The following SMARCA2 variants were observed in gnomAD, a reference collection of about 807,000 sequenced individuals.
SMARCA2 encodes SWI/SNF-related matrix-associated actin-dependent regulator of chromatin subfamily A member 2.
SMARCA2 carries 61 observed loss-of-function variants against 199.8 expected under a neutral mutation model. The ratio of observed to expected loss-of-function variants is 0.31; its 90% CI spans 0.25 to 0.38. SMARCA2 has a LOEUF of 0.38. SMARCA2 is among the 10% of genes least tolerant of loss of function. The pLI, the probability that SMARCA2 is intolerant of heterozygous loss-of-function variation, is 1.00. For synonymous variants in SMARCA2, 935 were observed against 732.0 expected (o/e 1.28, Z -4.48); for missense variants, 1,344 against 2,012.2 (o/e 0.67, Z 6.35).
intron 23 of SMARCA2, among the ~76,000 whole-genome samples, chr9:2,109,097 C>G (rs761316613): frequency 2.0e-5 from 3 of 152,150 alleles, no homozygotes; most frequent in Non-Finnish European, 4.4e-5. Context: ...ACTTGGCCCT[C>G]ATAGTAACTT....
intron 27 of SMARCA2, among the ~76,000 whole-genome samples, chr9:2,124,695 G>A (rs1030742430): frequency 6.6e-6 from 1 of 152,214 alleles, no homozygotes; most frequent in Non-Finnish European, 1.5e-5. Context: ...TTTGGAAAAT[G>A]GTGATTTCTC....
At chr9:2,075,858 A>G (rs1821302274) in intron 12 of SMARCA2, among the ~76,000 whole-genome samples, 1 of 152,146 alleles carries the variant, frequency 6.6e-6, no homozygotes. Context: ...GGAGGATCCT[A>G]AGAGCTCTAC....
At position 2,170,459 on chromosome 9, in the gene SMARCA2, A is replaced by G; in HGVS notation, c.4240A>G (p.Ile1414Val). 4 of 1,614,118 alleles carry G rather than the reference A, an allele frequency of 2.5e-6. No homozygotes were observed. The highest frequency in any genetic ancestry group is 2.2e-5 in the South Asian group (2 of 91,086). ...EKVPSNSQLE[I>V]EGNSSGRQLS... ...GGTGCCCAGTAATTCTCAGTTGGAA[A>G]TAGAAGGAAACAGGTCAGGATCTGT... The change falls in exon 29 of 34, where the codon ATA becomes GTA. Residue 1414 changes from isoleucine to valine, a missense_variant. Ile to Val is a conservative substitution (Grantham distance 29). Around this residue, in one of 18 missense-constraint regions of SMARCA2, gnomAD observed 151 missense variants for 154.0 expected, o/e 0.98. Transcript: ENST00000349721. The surrounding 1 kb of genome is among the most constrained non-coding windows in gnomAD (Gnocchi z 4.7).
At chr9:2,094,989 G>A (rs1271968540) in intron 19 of SMARCA2, among the ~76,000 whole-genome samples, 2 of 151,910 alleles carry the variant, frequency 1.3e-5, no homozygotes, top group Non-Finnish European at 2.9e-5. Flanking sequence ...TCTCACAGAC[G>A]TACCTTAAAT....
chr9:2,131,804 G>C (rs1164349914), intron 27 of SMARCA2, among the ~76,000 whole-genome samples: 1 of 152,110 alleles, frequency 6.6e-6, no homozygotes, highest in Admixed American at 6.5e-5. Flanking sequence ...GCTGGGCGTG[G>C]TGGCGGGTGC....
Position 2,096,677 on chromosome 9 carries a change from T to C in SMARCA2, c.2904T>C (p.Cys968=). Residue 968 remains cysteine (C), a synonymous_variant, in exon 20 of 34, where the codon TGT becomes TGC. Coordinates refer to ENST00000349721, the MANE Select transcript of SMARCA2 (RefSeq NM_003070.5). The part of the protein sequence containing the change: ...LPEKVEYVIK[C]DMSALQKILY... ...TGCAGGTGGAATATGTGATCAAGTG[T>C]GACATGTCAGCTCTGCAGAAGATTC... 4 of 1,613,300 alleles carry C rather than the reference T, an allele frequency of 2.5e-6. No individual in the cohort carries two copies. Among genetic ancestry groups the C allele is most frequent in the Non-Finnish European group, 3.4e-6 (4 of 1,179,268 alleles).
chr9:2,160,019 A>G (rs571038918), intron 27 of SMARCA2: 4 of 1,459,148 alleles, frequency 2.7e-6, no homozygotes, highest in Admixed American at 4.0e-5. Flanking sequence ...TCTGTGTGCA[A>G]CTGGGTGCTT....
At position 2,191,407 on chromosome 9, in the gene SMARCA2, G is replaced by T. The variant is rs138760068; in HGVS notation, c.4736G>T (p.Arg1579Leu). 1.9e-6 allele frequency: 3 copies of T among 1,613,936 alleles called. No individual in the cohort carries two copies. Among genetic ancestry groups the T allele is most frequent in the African/African-American group, 2.7e-5 (2 of 74,938 alleles). ...GACAGCGATGAGGAGCAGGATGAACGTGTAAGTGTAGCCGACTGGGACTGA... is the reference window on the plus strand; with the variant it reads ...GACAGCGATGAGGAGCAGGATGAACTTGTAAGTGTAGCCGACTGGGACTGA... ...DFDSDEEQDE[R>L]EQSEGSGTDD... The change falls in exon 33 of 34, where the codon CGT (arginine) becomes CTT (leucine). Residue 1579 changes from arginine (R) to leucine (L), a missense_variant and splice_region_variant. Transcript: ENST00000349721.
chr9:2,072,238 T>A (rs1821118590), intron 10 of SMARCA2, among the ~76,000 whole-genome samples: 2 of 152,218 alleles, frequency 1.3e-5, no homozygotes, highest in African/African-American at 4.8e-5. Context: ...TTATCACTTT[T>A]CAGGAAATAG....
At chr9:2,071,921 C>T (rs763444924) in intron 10 of SMARCA2, 2 of 152,068 alleles carry the variant, frequency 1.3e-5, no homozygotes, top group Non-Finnish European at 2.9e-5. Context: ...TGTTCAAAAC[C>T]ATTGCTTTAG....
At chr9:2,113,794 A>G (rs1042671418) in intron 24 of SMARCA2, among the ~76,000 whole-genome samples, 9 of 152,122 alleles carry the variant, frequency 5.9e-5, no homozygotes, top group African/African-American at 2.2e-4. Context: ...GCCCCCTGCA[A>G]TTAGTATTTT....
Position 2,017,441 on chromosome 9 carries a change from AGCG to A in SMARCA2, c.-37+2040_-37+2042del, listed in dbSNP as rs1818405297. ...GCGCAGGAGCCAGTGCGTCGGGAGC[AGCG>A]GCTCGGGCAGCTGCTCCTGCCCGCA... On this transcript the variant is annotated intron_variant, in intron 1 of 33. Transcript: ENST00000349721. The surrounding 1 kb of genome is among the most constrained non-coding windows in gnomAD (Gnocchi z 8.8). 3 of 152,116 alleles carry A rather than the reference AGCG, an allele frequency of 2.0e-5. No homozygotes were observed. Among genetic ancestry groups the A allele is most frequent in the African/African-American group, 7.3e-5 (3 of 41,348 alleles). 9.4% of individuals were successfully genotyped at this position (152,116 alleles called of 1,614,324 possible). A position where few individuals can be genotyped will look rare whatever the true frequency, so the allele number is the denominator to read the frequency against.
At chr9:2,083,234 A>G in intron 15 of SMARCA2, 113 bp from the exon 16 acceptor site, 1 of 608,446 alleles carries the variant, frequency 1.6e-6, no homozygotes, top group South Asian at 2.3e-5. Context: ...GAGATATGTT[A>G]TATTCTGTAG....
chr9:2,147,072 G>C (rs909635211), intron 27 of SMARCA2, among the ~76,000 whole-genome samples: 1 of 152,116 alleles, frequency 6.6e-6, no homozygotes, highest in Admixed American at 6.6e-5. Flanking sequence ...TTCCATACAG[G>C]CAGGCTTGGA....
chr9:2,071,840 A>G (rs916322156), intron 10 of SMARCA2, among the ~76,000 whole-genome samples: 16 of 152,202 alleles, frequency 1.1e-4, no homozygotes, highest in African/African-American at 3.9e-4. Flanking sequence ...TTCCTTCTTT[A>G]TCTCTTGAGT....
intron 9 of SMARCA2, among the ~76,000 whole-genome samples, chr9:2,067,966 T>G (rs1820917713): frequency 6.6e-6 from 1 of 152,256 alleles, no homozygotes; most frequent in Admixed American, 6.5e-5. Flanking sequence ...ATTGAAGTGG[T>G]GATCCAATTC....
chr9:2,132,874 C>G (rs1824024748), intron 27 of SMARCA2, among the ~76,000 whole-genome samples: 1 of 152,106 alleles, frequency 6.6e-6, no homozygotes, highest in African/African-American at 2.4e-5. Flanking sequence ...AATCCAGTGA[C>G]TAGATTGCTT....
rs773951168 is a variant in SMARCA2 at position 2,077,784 on chromosome 9, G to T, written c.2184+8G>T. ...ACCCTAAAGCATTACCAGGTAATTGGCATGGTTTCAGTTTCCTTGGCAAGT... is the reference window on the plus strand; with the variant it reads ...ACCCTAAAGCATTACCAGGTAATTGTCATGGTTTCAGTTTCCTTGGCAAGT... On this transcript the variant is annotated splice_region_variant and intron_variant, in intron 14 of 33. Coordinates refer to ENST00000349721, the MANE Select transcript of SMARCA2 (RefSeq NM_003070.5). The T allele has an allele frequency of 6.2e-6, 10 of 1,600,850 alleles. No individual in the cohort carries two copies. Among genetic ancestry groups the T allele is most frequent in the Admixed American group, 3.5e-5 (2 of 57,790 alleles).
intron 19 of SMARCA2, among the ~76,000 whole-genome samples, chr9:2,094,907 A>G (rs1822206948): frequency 6.6e-6 from 1 of 152,082 alleles, no homozygotes; most frequent in African/African-American, 2.4e-5. Flanking sequence ...ATCAAATGTC[A>G]CTGTGAGTTA....
Sources: allele counts gnomAD v4.1 joint callset (sites outside exome capture counted in the v4.1 genomes callset), GRCh38; gene constraint gnomAD v4.1.1; regional missense constraint gnomAD v4.1.1; non-coding constraint Gnocchi (gnomAD v3.1); transcripts MANE v1.5; gene names NCBI Gene and HGNC (gene_info 2026-07-23, HGNC 2026-07-21).